PRELID2: variants seen among roughly 807,000 people sequenced by gnomAD.
PRELID2 encodes PRELI domain-containing protein 2.
A neutral mutation model predicts 28.4 loss-of-function variants in PRELID2; 25 were observed. The observed-to-expected ratio is 0.88, with a 90% CI of 0.64 to 1.23. The LOEUF (loss-of-function observed/expected upper bound fraction) is 1.23. PRELID2 is among the 50% of genes most tolerant of loss of function. The pLI is 0.00. For missense variants in PRELID2, 201 were observed against 214.4 expected, an observed-to-expected ratio of 0.94 and a Z score of 0.39; for synonymous variants, 76 against 71.6, an observed-to-expected ratio of 1.06 and a Z score of -0.31.
chr5:145,596,464 A>C (rs1448003875), intron 1 of PRELID2, among the ~76,000 whole-genome samples: 1 of 152,064 alleles, frequency 6.6e-6, no homozygotes, highest in Admixed American at 6.6e-5. Flanking sequence ...ACATTGGGTG[A>C]TTCTTGTTCT....
the PRELID2 span, among the ~76,000 whole-genome samples, chr5:145,353,109 C>A: frequency 6.6e-6 from 1 of 152,134 alleles, no homozygotes; most frequent in Non-Finnish European, 1.5e-5. Context: ...TATAGCAGCA[C>A]CCCACTCTCT....
chr5:145,307,882 G>A, the PRELID2 span, among the ~76,000 whole-genome samples: 4 of 152,110 alleles, frequency 2.6e-5, no homozygotes, highest in Non-Finnish European at 5.9e-5. Flanking sequence ...ATCTATGTAC[G>A]GTCATTTACC....
chr5:145,354,914 T>G, the PRELID2 span, among the ~76,000 whole-genome samples: 1 of 152,112 alleles, frequency 6.6e-6, no homozygotes, highest in Non-Finnish European at 1.5e-5. Flanking sequence ...TTGAATAAGC[T>G]CTCTTTTTAT....
intron 1 of PRELID2, among the ~76,000 whole-genome samples, chr5:145,484,235 A>G (rs867815453): frequency 5.9e-5 from 9 of 152,178 alleles, no homozygotes; most frequent in African/African-American, 2.2e-4. Flanking sequence ...CTTTGAACAT[A>G]TGGAGACTAT....
At chr5:145,670,301 G>C (rs898030118) in intron 1 of PRELID2, among the ~76,000 whole-genome samples, 1 of 152,064 alleles carries the variant, frequency 6.6e-6, no homozygotes, top group African/African-American at 2.4e-5. Context: ...TTAACAGTCA[G>C]ATTTCACAGA....
chr5:145,480,707 T>C (rs910985955), intron 1 of PRELID2, among the ~76,000 whole-genome samples: 1 of 152,074 alleles, frequency 6.6e-6, no homozygotes. Context: ...TGTTAAGTGA[T>C]TTTTTCCTCT....
intron 1 of PRELID2, among the ~76,000 whole-genome samples, chr5:145,478,508 G>A (rs528690707): frequency 3.4e-4 from 52 of 152,028 alleles, no homozygotes; most frequent in African/African-American, 1.1e-3. Flanking sequence ...CCAAGATCAC[G>A]CCATTACTCT....
chr5:145,766,385 C>A (rs1273587191), intron 5 of PRELID2, among the ~76,000 whole-genome samples: 1 of 152,136 alleles, frequency 6.6e-6, no homozygotes, highest in East Asian at 1.9e-4. Flanking sequence ...GGGCTGTGAA[C>A]ACCACGTGGG....
the PRELID2 span, among the ~76,000 whole-genome samples, chr5:145,361,919 C>T: frequency 6.6e-6 from 1 of 152,158 alleles, no homozygotes; most frequent in Non-Finnish European, 1.5e-5. Context: ...ACTCAAGAAA[C>T]TTCTTTGGCC....
At chr5:145,635,342 C>T (rs1461234046) in intron 1 of PRELID2, among the ~76,000 whole-genome samples, 2 of 151,976 alleles carry the variant, frequency 1.3e-5, no homozygotes, top group East Asian at 1.9e-4. Context: ...ATATAGAGTT[C>T]ACTTTATACA....
At chr5:145,364,848 C>G in the PRELID2 span, among the ~76,000 whole-genome samples, 1 of 151,950 alleles carries the variant, frequency 6.6e-6, no homozygotes, top group South Asian at 2.1e-4. Context: ...CTGCAGCCCA[C>G]TCAAACTCAA....
At chr5:145,533,884 T>A (rs1330591241) in intron 1 of PRELID2, among the ~76,000 whole-genome samples, 1 of 152,070 alleles carries the variant, frequency 6.6e-6, no homozygotes. Context: ...TGTTTCTCTT[T>A]TCATTTACAT....
At chr5:145,503,084 G>A (rs569889896) in intron 1 of PRELID2, among the ~76,000 whole-genome samples, 2 of 152,114 alleles carry the variant, frequency 1.3e-5, no homozygotes, top group African/African-American at 4.8e-5. Context: ...ATTCACAGGG[G>A]GTGGAGGCCT....
the PRELID2 span, among the ~76,000 whole-genome samples, chr5:145,413,894 A>C: frequency 6.6e-6 from 1 of 152,142 alleles, no homozygotes; most frequent in Admixed American, 6.6e-5. Context: ...TTAAGACTGA[A>C]TCATATTTTA....
At chr5:145,447,050 A>AAAAT in the PRELID2 span, among the ~76,000 whole-genome samples, 7,712 of 140,172 alleles carry the variant, frequency 0.055, 398 homozygotes, top group African/African-American at 0.14. Context: ...ACTCCATCTC[A>AAAAT]AAATAAATAA....
chr5:145,592,435 T>C (rs74392806), intron 1 of PRELID2, among the ~76,000 whole-genome samples: 11,020 of 151,042 alleles, frequency 0.073, 525 homozygotes, highest in South Asian at 0.16. Context: ...AAAAATTGTA[T>C]ATATGTATAT....
At chr5:145,761,507 GT>G (rs1757474390) in intron 6 of PRELID2, among the ~76,000 whole-genome samples, 1 of 152,156 alleles carries the variant, frequency 6.6e-6, no homozygotes, top group South Asian at 2.1e-4. Context: ...AACTTTAGGG[GT>G]AAGACGTGAT....
At chr5:145,342,861 C>A in the PRELID2 span, among the ~76,000 whole-genome samples, 1 of 140,768 alleles carries the variant, frequency 7.1e-6, no homozygotes, top group Non-Finnish European at 1.5e-5. Context: ...GCAAGAGTAG[C>A]TATATTTATA....
At chr5:145,766,158 G>A (rs1757745406) in intron 5 of PRELID2, among the ~76,000 whole-genome samples, 1 of 152,160 alleles carries the variant, frequency 6.6e-6, no homozygotes, top group Admixed American at 6.5e-5. Flanking sequence ...ATAAACTGAG[G>A]TCTCCAGGAC....
Sources: gnomAD v4.1 joint callset for allele counts (sites outside exome capture counted in the v4.1 genomes callset) on GRCh38, gnomAD v4.1.1 for gene constraint, MANE v1.5 for transcripts, NCBI Gene and HGNC (gene_info 2026-07-23, HGNC 2026-07-21) for gene names.